TAFA1: variants seen among roughly 807,000 people sequenced by gnomAD.
The protein encoded by TAFA1 is chemokine-like protein TAFA-1.
Under a neutral mutation model 18.5 loss-of-function variants are expected in TAFA1, and 4 were observed. The observed-to-expected ratio is 0.22, with a 90% CI of 0.11 to 0.49. TAFA1 has a LOEUF of 0.49. TAFA1 is among the 20% of genes least tolerant of loss of function. The probability of loss-of-function intolerance (pLI) is 0.98; values close to 1 mark genes in which losing one functional copy is unlikely to be tolerated. For missense variants in TAFA1, 147 were observed against 169.0 expected (o/e 0.87, Z 0.72); for synonymous variants, 56 against 55.2 (o/e 1.01, Z -0.06).
At chr3:68,464,604 G>A (rs2071850158) in intron 3 of TAFA1, among the ~76,000 whole-genome samples, 1 of 152,192 alleles carries the variant, frequency 6.6e-6, no homozygotes. Context: ...GGGTCACATA[G>A]TGCAGGGTCT....
At chr3:68,060,965 A>G (rs1241945013) in intron 2 of TAFA1, among the ~76,000 whole-genome samples, 8 of 152,222 alleles carry the variant, frequency 5.3e-5, no homozygotes, top group Admixed American at 3.3e-4. Context: ...GGTGTGACAT[A>G]GGTTCAAGTG....
chr3:68,429,210 C>A (rs956139611), intron 3 of TAFA1, among the ~76,000 whole-genome samples: 1 of 151,880 alleles, frequency 6.6e-6, no homozygotes, highest in African/African-American at 2.4e-5. Context: ...TGTCACCTGG[C>A]AATGATCTTC....
chr3:68,480,814 C>G (rs540686352), intron 3 of TAFA1, among the ~76,000 whole-genome samples: 1 of 152,286 alleles, frequency 6.6e-6, no homozygotes, highest in South Asian at 2.1e-4. Context: ...TGAATTGTAG[C>G]TCCCATAATT....
chr3:68,431,196 A>C (rs1377609258), intron 3 of TAFA1, among the ~76,000 whole-genome samples: 1 of 152,004 alleles, frequency 6.6e-6, no homozygotes, highest in Non-Finnish European at 1.5e-5. Context: ...CAGGTGTTAT[A>C]AGTCTATTTT....
At chr3:68,274,767 G>A (rs559919388) in intron 2 of TAFA1, among the ~76,000 whole-genome samples, 5 of 152,156 alleles carry the variant, frequency 3.3e-5, no homozygotes, top group Admixed American at 6.6e-5. Flanking sequence ...TGTATCATTA[G>A]CCTTACTCAG....
At chr3:68,212,437 T>C (rs561670224) in intron 2 of TAFA1, among the ~76,000 whole-genome samples, 1 of 152,080 alleles carries the variant, frequency 6.6e-6, no homozygotes, top group South Asian at 2.1e-4. Context: ...AGTTAAAAAA[T>C]AGAGGGTCAG....
rs183793730 is a variant in TAFA1, at chr3:68,394,628, A to G, written c.119-22652A>G. Among the ~76,000 whole-genome samples the G allele has an allele frequency of 4.6e-3, 701 of 152,270 alleles. 21 individuals are homozygous for G. Among genetic ancestry groups the G allele is most frequent in the Admixed American group, 0.041 (621 of 15,280 alleles). ...GATATATAGACCAGTGGAACAGAAC[A>G]GAGGCCTCACAAATAACACTATGCA... On this transcript the variant is annotated intron_variant, in intron 2 of 4. Transcript: ENST00000478136.
chr3:68,083,888 CG>C, intron 2 of TAFA1, among the ~76,000 whole-genome samples: 1 of 152,256 alleles, frequency 6.6e-6, no homozygotes, highest in Middle Eastern at 3.4e-3. Context: ...GTGTCCCTCC[CG>C]ACCTGTATAT....
rs376694129 is a variant in TAFA1 at position 68,173,226 on chromosome 3, C to T, written c.118+166482C>T. Among the ~76,000 whole-genome samples, 5 of 151,958 alleles carry T rather than the reference C, an allele frequency of 3.3e-5. No individual in the cohort carries two copies. The East Asian group carries it at 5.8e-4, about 18-fold the overall frequency. On this transcript the variant is annotated intron_variant, in intron 2 of 4. Transcript: ENST00000478136. ...AAGAAACATGAGATACTGTTATTAA[C>T]CTTAGCGGGTTTACTTGAAATATGT...
chr3:68,177,926 C>A (rs139331721), intron 2 of TAFA1, among the ~76,000 whole-genome samples: 2,572 of 152,266 alleles, frequency 0.017, 76 homozygotes, highest in African/African-American at 0.058. Context: ...GGGCGGATCA[C>A]AAGGTCAGCA....
At chr3:68,039,715 C>T (rs1705125277) in intron 2 of TAFA1, among the ~76,000 whole-genome samples, 1 of 152,118 alleles carries the variant, frequency 6.6e-6, no homozygotes, top group Non-Finnish European at 1.5e-5. Context: ...CATTGATGAT[C>T]TCCAGAGATA....
rs1559585892 is a variant in TAFA1 at position 68,262,334 on chromosome 3, TATATATATATATATA to T, written c.119-154945_119-154931del. ...ATATATATATATATATATATATATA[TATATATATATATATA>T]TATATATATTTCATGGGTATATTGA... is the stretch of plus-strand genomic sequence containing the variant. On this transcript the variant is annotated intron_variant, in intron 2 of 4. Coordinates refer to ENST00000478136, the MANE Select transcript of TAFA1 (RefSeq NM_213609.4). 2.8e-3 allele frequency among the ~76,000 whole-genome samples: 264 copies of T among 95,786 alleles called. 11 individuals carry two copies. Among genetic ancestry groups the T allele is most frequent in the African/African-American group, 0.01 (244 of 23,462 alleles). 62.8% of individuals were successfully genotyped at this position (95,786 alleles called of 152,430 possible).
intron 2 of TAFA1, among the ~76,000 whole-genome samples, chr3:68,243,517 A>G (rs1329334840): frequency 6.6e-6 from 1 of 152,136 alleles, no homozygotes; most frequent in East Asian, 1.9e-4. Context: ...TTCTGACTCT[A>G]TATCTCAACT....
intron 3 of TAFA1, among the ~76,000 whole-genome samples, chr3:68,509,748 T>C (rs1365111496): frequency 6.6e-6 from 1 of 152,090 alleles, no homozygotes; most frequent in Non-Finnish European, 1.5e-5. Context: ...GAACTCTCTC[T>C]GTTTGGAGAG....
chr3:68,191,220 C>A (rs1195434309), intron 2 of TAFA1, among the ~76,000 whole-genome samples: 1 of 151,490 alleles, frequency 6.6e-6, no homozygotes, highest in Non-Finnish European at 1.5e-5. Flanking sequence ...TATATTTTTT[C>A]TTTGTGGTAC....
At chr3:68,224,880 C>T (rs538105720) in intron 2 of TAFA1, among the ~76,000 whole-genome samples, 19 of 133,806 alleles carry the variant, frequency 1.4e-4, no homozygotes, top group East Asian at 8.9e-4. Flanking sequence ...TTTTCCAAAA[C>T]GTTTGGCTTG....
chr3:68,032,134 T>A (rs1181291322), intron 2 of TAFA1, among the ~76,000 whole-genome samples: 1 of 152,168 alleles, frequency 6.6e-6, no homozygotes. Flanking sequence ...CTGCCTGATC[T>A]TTGAGAACAA....
At chr3:68,378,940 T>A (rs1259777872) in intron 2 of TAFA1, among the ~76,000 whole-genome samples, 1 of 152,202 alleles carries the variant, frequency 6.6e-6, no homozygotes, top group Non-Finnish European at 1.5e-5. Flanking sequence ...CATGTGGAAC[T>A]GTAAGTCAAT....
chr3:68,233,905 T>G (rs1318671824), intron 2 of TAFA1, among the ~76,000 whole-genome samples: 1 of 152,150 alleles, frequency 6.6e-6, no homozygotes. Context: ...GAGCATTAAA[T>G]AAATTCCCAT....
Sources: allele counts gnomAD v4.1 joint callset (sites outside exome capture counted in the v4.1 genomes callset), GRCh38; gene constraint gnomAD v4.1.1; transcripts MANE v1.5; gene names NCBI Gene and HGNC (gene_info 2026-07-23, HGNC 2026-07-21).